Variants in ZER1 observed in about 807,000 individuals in gnomAD.
The protein encoded by ZER1 is zyg-11 related cell cycle regulator, also known as protein zer-1 homolog.
ZER1 carries 11 observed loss-of-function variants against 78.8 expected under a neutral mutation model. The observed-to-expected ratio is 0.14, with a 90% CI of 0.09 to 0.23. ZER1 has a LOEUF of 0.23. Among genes scored for constraint, ZER1 ranks in the 10% least tolerant of loss-of-function variants. The pLI is 1.00. For synonymous variants in ZER1, 400 were observed against 407.0 expected (o/e 0.98, Z 0.21); for missense variants, 588 against 996.9 (o/e 0.59, Z 5.52).
intron 1 of ZER1, among the ~76,000 whole-genome samples, chr9:128,762,230 A>ATC (rs1281481681): frequency 2.0e-5 from 3 of 151,888 alleles, no homozygotes; most frequent in African/African-American, 4.8e-5. Flanking sequence ...CCCCTGACTT[A>ATC]GAGGGTTCTG....
rs183875728 is a variant in ZER1 at position 128,766,987 on chromosome 9, A to G, written c.-95+4594T>C. Among the ~76,000 whole-genome samples, 162 of 150,286 alleles carry G rather than the reference A, an allele frequency of 1.1e-3. 1 individual carries two copies. The highest frequency in any genetic ancestry group is 3.7e-3 in the African/African-American group (153 of 40,956). ...GATGGAATTTTGCTCTTGTTGCCCA[A>G]GCTGGAGTGCAATGGCACAATCTCG... On this transcript the variant is annotated intron_variant, in intron 1 of 15. Transcript: ENST00000291900.
rs1863390259 is a variant in ZER1, at chr9:128,743,830, A to C, written c.1360-1085T>G. 2.7e-5 allele frequency among the ~76,000 whole-genome samples: 4 copies of C among 150,742 alleles called. No homozygotes were observed. In the Admixed American group the frequency reaches 2.7e-4, roughly 10 times the overall value. ...ACTGCAACCTCCCCCTCCCGGGCTCAAGTGATCCTCCCACCTCAGCCTCCC... is the reference window on the plus strand; with the variant it reads ...ACTGCAACCTCCCCCTCCCGGGCTCCAGTGATCCTCCCACCTCAGCCTCCC... On this transcript the variant is annotated intron_variant, in intron 8 of 15. Transcript: ENST00000291900.
At chr9:128,748,863 T>C (rs73618066) in intron 8 of ZER1, among the ~76,000 whole-genome samples, 149,872 of 150,508 alleles carry the variant, frequency 1, 74,623 homozygotes, top group Middle Eastern at 1. Flanking sequence ...TGAGCCACCG[T>C]GGCCAGCTAA....
At chr9:128,752,920 C>T in intron 4 of ZER1, 71 bp from the exon 5 acceptor site, 6 of 1,532,408 alleles carry the variant, frequency 3.9e-6, no homozygotes, top group Non-Finnish European at 5.3e-6. Flanking sequence ...GATCCCAGCT[C>T]CTTTAGTCTG....
Position 128,735,508 on chromosome 9 carries a change from C to T in ZER1, c.2043-77G>A, listed in dbSNP as rs1375190584. The stretch of plus-strand genomic sequence containing the variant: ...TCTTTTCTTGTCTGAGGTTTCCTCC[C>T]ACTGGAGAATCCTAGTGACCAACCA... On this transcript the variant is annotated intron_variant, in intron 13 of 15. Coordinates refer to ENST00000291900, the MANE Select transcript of ZER1 (RefSeq NM_006336.4). The T allele has an allele frequency of 1.5e-5, 21 of 1,407,564 alleles. No homozygotes were observed. In the East Asian group the frequency reaches 5.1e-4, roughly 34 times the overall value. The allele number at this position is 1,407,564 out of a possible 1,614,324, so 87.2% of individuals were successfully genotyped here.
rs958989004 is a variant in ZER1, at chr9:128,762,956, C to T, written c.-94-7297G>A. Among the ~76,000 whole-genome samples the T allele has an allele frequency of 7.9e-5, 12 of 152,204 alleles. No individual in the cohort carries two copies. In the South Asian group the frequency reaches 1.4e-3, roughly 18 times the overall value. ...GGAAAGCAACTCTTTTCAAGCCCACCGGAATTACAGCCAGCTTTCTGGCCT... is the reference window on the plus strand; with the variant it reads ...GGAAAGCAACTCTTTTCAAGCCCACTGGAATTACAGCCAGCTTTCTGGCCT... On this transcript the variant is annotated intron_variant, in intron 1 of 15. Coordinates refer to ENST00000291900, the MANE Select transcript of ZER1 (RefSeq NM_006336.4).
intron 13 of ZER1, 51 bp from the exon 14 acceptor site, chr9:128,735,482 G>A (rs752855429): frequency 1.3e-6 from 2 of 1,531,640 alleles, no homozygotes; most frequent in Non-Finnish European, 1.8e-6. Context: ...TGGGGAGTGT[G>A]TCTTTTCTTG....
chr9:128,739,002 C>T (rs1863193090), intron 13 of ZER1, among the ~76,000 whole-genome samples: 1 of 151,760 alleles, frequency 6.6e-6, no homozygotes, highest in African/African-American at 2.4e-5. Flanking sequence ...CAGGTATGTG[C>T]CACCACGCCA....
intron 14 of ZER1, 79 bp downstream of exon 14, chr9:128,735,255 T>G: frequency 7.5e-7 from 1 of 1,324,632 alleles, no homozygotes; most frequent in Non-Finnish European, 1.0e-6. Flanking sequence ...AATGCCCCCC[T>G]CCTGGACTAC....
chr9:128,763,331 C>T (rs1177168491), intron 1 of ZER1, among the ~76,000 whole-genome samples: 3 of 152,204 alleles, frequency 2.0e-5, no homozygotes, highest in Non-Finnish European at 4.4e-5. Context: ...TGCTGAGTCC[C>T]CCCACAGGCC....
intron 1 of ZER1, among the ~76,000 whole-genome samples, chr9:128,757,521 CAA>C (rs376098737): frequency 6.4e-5 from 8 of 124,968 alleles, no homozygotes; most frequent in East Asian, 2.2e-4. Context: ...GACCCTGTCT[CAA>C]AAAAAAAAAA....
chr9:128,741,178 T>A (rs1169292417), intron 11 of ZER1, among the ~76,000 whole-genome samples: 1 of 152,156 alleles, frequency 6.6e-6, no homozygotes, highest in Non-Finnish European at 1.5e-5. Flanking sequence ...TAAGGGACCC[T>A]CCTAGAAATT....
At chr9:128,762,761 A>T (rs764148249) in intron 1 of ZER1, among the ~76,000 whole-genome samples, 1 of 152,086 alleles carries the variant, frequency 6.6e-6, no homozygotes, top group Non-Finnish European at 1.5e-5. Context: ...CAGCTGTCCC[A>T]CTGGCAGCAT....
chr9:128,741,667 G>A lies in ZER1; in HGVS notation c.1618-13C>T, dbSNP rs1251016876. 2.5e-6 allele frequency: 4 copies of A among 1,614,024 alleles called. No individual in the cohort carries two copies. The South Asian group carries it at 3.3e-5, about 13-fold the overall frequency. On this transcript the variant is annotated splice_polypyrimidine_tract_variant and intron_variant, in intron 10 of 15. Transcript: ENST00000291900. ...TGACCTGGTCACACTGTGAGGGCAG[G>A]GCAGGGCTCAGCCAAGGCTCCTGGT...
At chr9:128,742,473 G>C (rs1003345640) in intron 9 of ZER1, 57 bp downstream of exon 9, 3 of 1,596,174 alleles carry the variant, frequency 1.9e-6, no homozygotes, top group Non-Finnish European at 2.6e-6. Context: ...TCAGGGTAGA[G>C]GGGTGGGGGA....
chr9:128,765,266 C>T (rs1398984504), intron 1 of ZER1, among the ~76,000 whole-genome samples: 5 of 152,098 alleles, frequency 3.3e-5, no homozygotes, highest in African/African-American at 4.8e-5. Flanking sequence ...CAAGCGCGCA[C>T]GCACCTGTAT....
intron 1 of ZER1, among the ~76,000 whole-genome samples, chr9:128,765,212 T>TACACACACACACACACACAC (rs60923356): frequency 1.3e-5 from 2 of 149,702 alleles, no homozygotes; most frequent in Non-Finnish European, 3.0e-5. Flanking sequence ...CATGCACATG[T>TACACACACACACACACACAC]ACACACACAC....
intron 9 of ZER1, among the ~76,000 whole-genome samples, chr9:128,742,319 T>A (rs1564395968): frequency 6.6e-6 from 1 of 152,232 alleles, no homozygotes; most frequent in Non-Finnish European, 1.5e-5. Flanking sequence ...GATGACAGCA[T>A]GCTCTAGGTG....
At chr9:128,749,307 A>AT in intron 8 of ZER1, among the ~76,000 whole-genome samples, 1 of 151,980 alleles carries the variant, frequency 6.6e-6, no homozygotes, top group East Asian at 2.0e-4. Flanking sequence ...AGCCTGGGCG[A>AT]CAGAGTAAGA....
Sources: gnomAD v4.1 joint callset for allele counts (sites outside exome capture counted in the v4.1 genomes callset) on GRCh38, gnomAD v4.1.1 for gene constraint, MANE v1.5 for transcripts, NCBI Gene and HGNC (gene_info 2026-07-23, HGNC 2026-07-21) for gene names.